The following NOS1AP variants were observed in gnomAD, a reference collection of about 807,000 sequenced individuals.
The protein encoded by NOS1AP is nitric oxide synthase 1 adaptor protein, also known as carboxyl-terminal PDZ ligand of neuronal nitric oxide synthase protein.
Under a neutral mutation model 56.2 loss-of-function variants are expected in NOS1AP, and 21 were observed. That is an observed-to-expected ratio of 0.37 (90% CI 0.26 to 0.54). NOS1AP has a LOEUF of 0.54. Among genes scored for constraint, NOS1AP ranks in the 20% least tolerant of loss-of-function variants. NOS1AP has a pLI of 0.84. For synonymous variants in NOS1AP, 270 were observed against 274.6 expected (o/e 0.98, Z 0.17); for missense variants, 522 against 657.8 (o/e 0.79, Z 2.26).
intron 4 of NOS1AP, among the ~76,000 whole-genome samples, chr1:162,310,214 A>T (rs1407312122): frequency 6.6e-6 from 1 of 152,210 alleles, no homozygotes; most frequent in African/African-American, 2.4e-5. Flanking sequence ...TCATAAAAAA[A>T]ATCAGGGAAT....
At chr1:162,342,549 A>G (rs761093232) in intron 5 of NOS1AP, 12 of 484,248 alleles carry the variant, frequency 2.5e-5, no homozygotes, top group South Asian at 1.8e-4. Context: ...TCACAAAGAT[A>G]GTAATAAGAA....
intron 2 of NOS1AP, among the ~76,000 whole-genome samples, chr1:162,219,927 T>G (rs1218646095): frequency 6.6e-6 from 1 of 152,154 alleles, no homozygotes; most frequent in Admixed American, 6.5e-5. Context: ...TCTTTTCTGT[T>G]GTGTGTGTGG....
Position 162,333,099 on chromosome 1 carries a change from T to A in NOS1AP, c.427T>A (p.Cys143Ser). 1 of 1,613,492 alleles carries A rather than the reference T, an allele frequency of 6.2e-7. No individual in the cohort carries two copies. The highest frequency in any genetic ancestry group is 1.1e-5 in the South Asian group (1 of 91,068). ...AGATGGTGCCAGCAATATCTTCAGG[T>A]GTAACGTCTTTAAATCCAAGAAGAA... ...ARDGASNIFR[C>S]NVFKSKKKSQ... The change falls in exon 5 of 10, where the codon TGT becomes AGT. Residue 143 changes from cysteine (C) to serine (S), a missense_variant. Coordinates refer to ENST00000361897, the MANE Select transcript of NOS1AP (RefSeq NM_014697.3).
chr1:162,354,960 G>GA (rs1657650617), intron 6 of NOS1AP, among the ~76,000 whole-genome samples: 1 of 152,232 alleles, frequency 6.6e-6, no homozygotes, highest in African/African-American at 2.4e-5. Context: ...ATCCAGGCTT[G>GA]AGGAAGTATT....
intron 2 of NOS1AP, among the ~76,000 whole-genome samples, chr1:162,172,751 G>C (rs940385633): frequency 6.6e-6 from 1 of 152,002 alleles, no homozygotes; most frequent in African/African-American, 2.4e-5. Flanking sequence ...TTCATCTCAA[G>C]GTTTTGCATA....
At chr1:162,114,213 G>A (rs1647833744) in intron 1 of NOS1AP, among the ~76,000 whole-genome samples, 2 of 152,066 alleles carry the variant, frequency 1.3e-5, no homozygotes, top group African/African-American at 4.8e-5. Context: ...TTTAGCTGGT[G>A]TATCAGTCAG....
intron 5 of NOS1AP, among the ~76,000 whole-genome samples, chr1:162,339,394 CTT>C (rs34840500): frequency 9.5e-6 from 1 of 105,454 alleles, no homozygotes; most frequent in African/African-American, 4.4e-5. Context: ...TATAATGATG[CTT>C]TTTTTAAAAA....
In NOS1AP at chr1:162,151,443, T is replaced by G. The variant is rs552601074; in HGVS notation, c.106-2962T>G. Reference sequence around the variant, plus strand: ...TTCTATAGCCTAATTTGAAGTCAGGTAATGTGATTCCTTCAGCTGTTTTCT... The same window carrying G: ...TTCTATAGCCTAATTTGAAGTCAGGGAATGTGATTCCTTCAGCTGTTTTCT... On this transcript the variant is annotated intron_variant, in intron 1 of 9. Coordinates refer to ENST00000361897, the MANE Select transcript of NOS1AP (RefSeq NM_014697.3). 5.9e-5 allele frequency among the ~76,000 whole-genome samples: 9 copies of G among 152,348 alleles called. No homozygotes were observed. The South Asian group carries it at 1.9e-3, about 32-fold the overall frequency.
intron 1 of NOS1AP, among the ~76,000 whole-genome samples, chr1:162,107,798 C>A (rs994239091): frequency 6.6e-6 from 1 of 152,098 alleles, no homozygotes; most frequent in Non-Finnish European, 1.5e-5. Flanking sequence ...ATATCCCTAT[C>A]GGCGTGTATC....
At chr1:162,351,900 C>T (rs929812476) in intron 6 of NOS1AP, among the ~76,000 whole-genome samples, 1 of 152,126 alleles carries the variant, frequency 6.6e-6, no homozygotes, top group Non-Finnish European at 1.5e-5. Flanking sequence ...CCAGCCCTTC[C>T]TGAAGTTACC....
chr1:162,258,743 C>A (rs1204858953), intron 2 of NOS1AP, among the ~76,000 whole-genome samples: 2 of 152,176 alleles, frequency 1.3e-5, no homozygotes, highest in Non-Finnish European at 1.5e-5. Context: ...TATATGTGAG[C>A]TCTGAAGGAG....
chr1:162,091,454 C>T (rs1335413481), intron 1 of NOS1AP, among the ~76,000 whole-genome samples: 1 of 152,152 alleles, frequency 6.6e-6, no homozygotes, highest in Non-Finnish European at 1.5e-5. Flanking sequence ...GAGTGTCATC[C>T]ATGAGTTTTT....
intron 2 of NOS1AP, among the ~76,000 whole-genome samples, chr1:162,175,238 T>TA (rs1170910957): frequency 6.6e-6 from 1 of 152,214 alleles, no homozygotes; most frequent in Non-Finnish European, 1.5e-5. Context: ...TAAAGGCAGT[T>TA]AAAACAGTTA....
At chr1:162,247,140 T>C (rs1370283843) in intron 2 of NOS1AP, among the ~76,000 whole-genome samples, 3 of 152,138 alleles carry the variant, frequency 2.0e-5, no homozygotes, top group Non-Finnish European at 2.9e-5. Flanking sequence ...ACTCTTAGCA[T>C]GTTTTTTGTT....
At chr1:162,282,005 C>G (rs1285866646) in intron 2 of NOS1AP, among the ~76,000 whole-genome samples, 1 of 152,068 alleles carries the variant, frequency 6.6e-6, no homozygotes, top group Admixed American at 6.5e-5. Context: ...GAGGCTGAGG[C>G]AGGAGAATTG....
At chr1:162,131,723 T>C (rs750819935) in intron 1 of NOS1AP, among the ~76,000 whole-genome samples, 34 of 152,230 alleles carry the variant, frequency 2.2e-4, no homozygotes, top group Non-Finnish European at 3.5e-4. Context: ...GCTCCAGTGT[T>C]ATAAGGCGGC....
intron 8 of NOS1AP, among the ~76,000 whole-genome samples, chr1:162,361,416 A>G (rs534902192): frequency 1.3e-5 from 2 of 152,316 alleles, no homozygotes; most frequent in East Asian, 1.9e-4. Context: ...CAGTGCTTCA[A>G]GTTCGAGCCT....
intron 2 of NOS1AP, among the ~76,000 whole-genome samples, chr1:162,269,584 T>C (rs1654523194): frequency 6.6e-6 from 1 of 152,220 alleles, no homozygotes; most frequent in African/African-American, 2.4e-5. Flanking sequence ...CATTTTTGCC[T>C]GGAGAAAAAT....
intron 9 of NOS1AP, 123 bp from the exon 10 acceptor site, chr1:162,366,928 GA>G: frequency 9.4e-7 from 1 of 1,068,038 alleles, no homozygotes; most frequent in Non-Finnish European, 1.5e-6. Context: ...CCAAAGCCCG[GA>G]GAGGTGCTGC....
Sources: gnomAD v4.1 joint callset for allele counts (sites outside exome capture counted in the v4.1 genomes callset) on GRCh38, gnomAD v4.1.1 for gene constraint, MANE v1.5 for transcripts, NCBI Gene and HGNC (gene_info 2026-07-23, HGNC 2026-07-21) for gene names.